PCDHA5: variants seen among roughly 807,000 people sequenced by gnomAD.
The protein encoded by PCDHA5 is protocadherin alpha 5, also known as protocadherin alpha-5.
Under a neutral mutation model 61.6 loss-of-function variants are expected in PCDHA5, and 43 were observed. That is an observed-to-expected ratio of 0.70 (90% CI 0.55 to 0.90). The LOEUF (loss-of-function observed/expected upper bound fraction) is 0.90, where lower values mean the gene tolerates loss of function less well. PCDHA5 is among the 40% of genes least tolerant of loss of function. The pLI, the probability that PCDHA5 is intolerant of heterozygous loss-of-function variation, is 0.00. For missense variants in PCDHA5, 1,298 were observed against 1,222.7 expected (o/e 1.06, Z -0.92); for synonymous variants, 627 against 543.9 (o/e 1.15, Z -2.13).
intron 1 of PCDHA5, chr5:140,843,149 G>A: frequency 6.3e-7 from 1 of 1,596,096 alleles, no homozygotes; most frequent in Non-Finnish European, 8.6e-7. Context: ...GCTTTCGTAT[G>A]AGCTGCAGCC....
intron 1 of PCDHA5, among the ~76,000 whole-genome samples, chr5:140,948,168 T>G (rs1217978838): frequency 6.6e-6 from 1 of 151,636 alleles, no homozygotes; most frequent in Non-Finnish European, 1.5e-5. Flanking sequence ...AACCTTCCAT[T>G]CCTAGGGTAA....
chr5:140,858,339 A>G, intron 1 of PCDHA5: 1 of 1,595,618 alleles, frequency 6.3e-7, no homozygotes, highest in African/African-American at 1.3e-5. Context: ...GGCCTGCCCA[A>G]GGCGGACCTC....
chr5:140,877,350 G>A (rs376513441), intron 1 of PCDHA5: 2 of 1,613,896 alleles, frequency 1.2e-6, no homozygotes, highest in African/African-American at 1.3e-5. Flanking sequence ...ACGTGGGGCT[G>A]TACACTGGCG....
At chr5:140,967,301 G>T in intron 1 of PCDHA5, 2 of 1,612,148 alleles carry the variant, frequency 1.2e-6, no homozygotes, top group Middle Eastern at 1.7e-4. Flanking sequence ...CGACGTGGGC[G>T]CCAACTCAGT....
chr5:140,874,868 T>C (rs1554167378), intron 1 of PCDHA5, among the ~76,000 whole-genome samples: 1 of 152,254 alleles, frequency 6.6e-6, no homozygotes, highest in Non-Finnish European at 1.5e-5. Flanking sequence ...TTATCCTTTG[T>C]TAAATACAAA....
chr5:140,967,955 A>C (rs1422637534), intron 1 of PCDHA5: 5 of 1,614,078 alleles, frequency 3.1e-6, no homozygotes, highest in Non-Finnish European at 4.2e-6. Flanking sequence ...CTCAGGCCCC[A>C]ACCGGAAAGT....
At chr5:140,946,893 A>T (rs1233227457) in intron 1 of PCDHA5, among the ~76,000 whole-genome samples, 1 of 151,482 alleles carries the variant, frequency 6.6e-6, no homozygotes, top group African/African-American at 2.4e-5. Context: ...TTACAATTAG[A>T]TAGGAAGAAT....
chr5:140,980,058 A>C (rs1554241393), intron 2 of PCDHA5, among the ~76,000 whole-genome samples: 1 of 152,254 alleles, frequency 6.6e-6, no homozygotes, highest in Non-Finnish European at 1.5e-5. Context: ...ATTCAGAAGC[A>C]ATCAGTGAAG....
rs2150395241 is a variant in PCDHA5, at chr5:140,846,875, G to A, written c.2352+22748G>A. Among the ~76,000 whole-genome samples the A allele has an allele frequency of 4.0e-5, 6 of 149,568 alleles. 1 individual carries two copies. Among genetic ancestry groups the A allele is most frequent in the Non-Finnish European group, 7.5e-5 (5 of 66,912 alleles). On this transcript the variant is annotated intron_variant, in intron 1 of 3. Transcript: ENST00000529859. ...CAAGATAATGTAACAGGTACAAGAG[G>A]TAAATCAGAATGACGTTGAAGTTGA... is the stretch of plus-strand genomic sequence containing the variant.
intron 1 of PCDHA5, among the ~76,000 whole-genome samples, chr5:140,946,757 C>T (rs1179265601): frequency 6.6e-6 from 1 of 151,268 alleles, no homozygotes; most frequent in Non-Finnish European, 1.5e-5. Context: ...ACTGCATGAT[C>T]TCATTCATGT....
At chr5:140,919,643 C>CTA (rs1244015726) in intron 1 of PCDHA5, among the ~76,000 whole-genome samples, 7 of 152,192 alleles carry the variant, frequency 4.6e-5, no homozygotes, top group Non-Finnish European at 8.8e-5. Flanking sequence ...AGTAGTTTCT[C>CTA]TAGAGTTTAC....
At chr5:140,933,592 G>T (rs1034374854) in intron 1 of PCDHA5, among the ~76,000 whole-genome samples, 2 of 151,986 alleles carry the variant, frequency 1.3e-5, no homozygotes, top group Non-Finnish European at 2.9e-5. Context: ...TTTTTAGGTT[G>T]ATTTGTCTTT....
rs782706939 is a variant in PCDHA5 at position 140,967,257 on chromosome 5, G to C, written c.2353-11692G>C. ...CAGGTAAGCGAATCGGTGGCGCCTG[G>C]AGCGCGCTTTCACATAGAGAGTGCG... is the stretch of plus-strand genomic sequence containing the variant. On this transcript the variant is annotated intron_variant, in intron 1 of 3. Coordinates refer to ENST00000529859, the MANE Select transcript of PCDHA5 (RefSeq NM_018908.3). 1.9e-6 allele frequency: 3 copies of C among 1,613,486 alleles called. No individual in the cohort carries two copies. The highest frequency in any genetic ancestry group is 1.3e-5 in the African/African-American group (1 of 75,062).
At chr5:140,871,360 AG>A in intron 1 of PCDHA5, 1 of 1,614,180 alleles carries the variant, frequency 6.2e-7, no homozygotes, top group East Asian at 2.2e-5. Context: ...CTCGCAGCAG[AG>A]GCGGCAGAGG....
chr5:140,953,270 T>A (rs1362290837), intron 1 of PCDHA5, among the ~76,000 whole-genome samples: 6 of 152,152 alleles, frequency 3.9e-5, no homozygotes, highest in Non-Finnish European at 5.9e-5. Flanking sequence ...GCTTTAGCCT[T>A]TGCTCTTTAT....
chr5:140,927,484 A>G (rs1554204601), intron 1 of PCDHA5: 2 of 1,613,906 alleles, frequency 1.2e-6, no homozygotes, highest in East Asian at 2.2e-5. Flanking sequence ...ACAGCGCGCC[A>G]CCCACCTGCT....
In PCDHA5 at chr5:140,835,742, G is replaced by A. The variant is rs2150243786; in HGVS notation, c.2352+11615G>A. On this transcript the variant is annotated intron_variant, in intron 1 of 3. Coordinates refer to ENST00000529859, the MANE Select transcript of PCDHA5 (RefSeq NM_018908.3). ...TGGCCGACGTGAACGACAACGCCCC[G>A]GCGTTCGCGCAGCCCGAGTATACGG... 1.8e-5 allele frequency: 29 copies of A among 1,613,552 alleles called. 1 individual carries two copies. The highest frequency in any genetic ancestry group is 2.4e-5 in the Non-Finnish European group (28 of 1,179,844).
chr5:140,842,111 C>T, intron 1 of PCDHA5: 1 of 1,613,876 alleles, frequency 6.2e-7, no homozygotes, highest in Non-Finnish European at 8.5e-7. Context: ...AGTTATCAAA[C>T]TGAATGCTTC....
At chr5:140,987,316 G>A (rs13153056) in intron 3 of PCDHA5, among the ~76,000 whole-genome samples, 9,624 of 152,218 alleles carry the variant, frequency 0.063, 338 homozygotes, top group East Asian at 0.12. Flanking sequence ...AATGTACTGT[G>A]AAGTTTTAAG....
Sources: allele counts gnomAD v4.1 joint callset (sites outside exome capture counted in the v4.1 genomes callset), GRCh38; gene constraint gnomAD v4.1.1; transcripts MANE v1.5; gene names NCBI Gene and HGNC (gene_info 2026-07-23, HGNC 2026-07-21).